Variants in PPP2R5C observed in about 807,000 individuals in gnomAD.
PPP2R5C encodes the protein serine/threonine-protein phosphatase 2A 56 kDa regulatory subunit gamma isoform.
PPP2R5C carries 7 observed loss-of-function variants against 68.9 expected under a neutral mutation model. The observed-to-expected ratio is 0.10, with a 90% CI of 0.06 to 0.19. The LOEUF (loss-of-function observed/expected upper bound fraction) is 0.19. Among genes scored for constraint, PPP2R5C ranks in the 10% least tolerant of loss-of-function variants. PPP2R5C has a pLI of 1.00. For missense variants in PPP2R5C, 348 were observed against 641.3 expected, an observed-to-expected ratio of 0.54 and a Z score of 4.94; for synonymous variants, 210 against 222.2, an observed-to-expected ratio of 0.95 and a Z score of 0.49.
intron 11 of PPP2R5C, 105 bp downstream of exon 13, chr14:101,909,795 C>T: frequency 1.4e-6 from 1 of 693,800 alleles, no homozygotes; most frequent in Non-Finnish European, 2.2e-6. Flanking sequence ...CACTCGAAAG[C>T]AAAACCAAGC....
At chr14:101,765,160 T>A in intron 2 of PPP2R5C, 1 of 702,806 alleles carries the variant, frequency 1.4e-6, no homozygotes, top group Non-Finnish European at 2.6e-6. Context: ...CTAGTGCTAC[T>A]GTCTAAGAGC....
chr14:101,848,668 G>A (rs190550355), intron 1 of PPP2R5C, among the ~76,000 whole-genome samples: 3 of 152,296 alleles, frequency 2.0e-5, no homozygotes, highest in South Asian at 2.1e-4. Context: ...CGCAGGAAAC[G>A]GCTGACAATC....
In PPP2R5C at chr14:101,787,653, G is replaced by A. The variant is rs555871525; in HGVS notation, c.259+1470G>A. Among the ~76,000 whole-genome samples the A allele has an allele frequency of 9.4e-4, 143 of 151,818 alleles. 1 individual carries two copies. Among genetic ancestry groups the A allele is most frequent in the East Asian group, 6.2e-3 (32 of 5,130 alleles). ...GTGGTGGCGGGCGCCTGTAGTCCCAGCTACTTGGGAGGCTGAGGCGGGAGA... is the reference window on the plus strand; with the variant it reads ...GTGGTGGCGGGCGCCTGTAGTCCCAACTACTTGGGAGGCTGAGGCGGGAGA... On this transcript the variant is annotated intron_variant, in intron 3 of 14. Coordinates refer to the PPP2R5C transcript ENST00000328724.
intron 11 of PPP2R5C, among the ~76,000 whole-genome samples, chr14:101,911,972 T>C (rs2046417250): frequency 6.6e-6 from 1 of 152,120 alleles, no homozygotes; most frequent in Admixed American, 6.5e-5. Flanking sequence ...GTCTCCTGGC[T>C]CTTAAGACGT....
intron 3 of PPP2R5C, among the ~76,000 whole-genome samples, chr14:101,790,246 T>C (rs997859160): frequency 3.9e-5 from 6 of 152,164 alleles, no homozygotes; most frequent in Non-Finnish European, 7.4e-5. Context: ...AAGTCATAGG[T>C]TTTTCTTTTT....
chr14:101,808,559 G>A (rs1453415429), upstream of PPP2R5C, among the ~76,000 whole-genome samples: 5 of 152,154 alleles, frequency 3.3e-5, no homozygotes, highest in African/African-American at 7.2e-5. Flanking sequence ...CCTGAAGGGC[G>A]GTAGCAGTTC....
chr14:101,925,395 G>T, exon 14 of PPP2R5C: 1 of 1,418,568 alleles, frequency 7.0e-7, no homozygotes, highest in Non-Finnish European at 9.3e-7. Flanking sequence ...CGTTCCGTAG[G>T]CAATAACGTG....
chr14:101,908,960 G>A (rs551273170), intron 10 of PPP2R5C, among the ~76,000 whole-genome samples: 6 of 152,328 alleles, frequency 3.9e-5, no homozygotes, highest in East Asian at 1.9e-4. Context: ...CCTGCGGGTC[G>A]AGCAGGTCCT....
intron 2 of PPP2R5C, among the ~76,000 whole-genome samples, chr14:101,784,729 G>T (rs1189857660): frequency 2.0e-5 from 3 of 152,232 alleles, no homozygotes; most frequent in African/African-American, 7.2e-5. Context: ...GAGCACATAT[G>T]CAGACACAGA....
At chr14:101,816,888 TATATTATATAAATATATATATA>T (rs1194570602) in intron 1 of PPP2R5C, among the ~76,000 whole-genome samples, 2 of 130,276 alleles carry the variant, frequency 1.5e-5, no homozygotes, top group Non-Finnish European at 3.1e-5. Flanking sequence ...ATATTATATA[TATATTATATAAATATATATATA>T]ATATATATAT....
chr14:101,880,534 G>A (rs1030111338), intron 2 of PPP2R5C, among the ~76,000 whole-genome samples: 6 of 152,218 alleles, frequency 3.9e-5, no homozygotes, highest in Non-Finnish European at 5.9e-5. Context: ...GGTGGCTCAC[G>A]CCTCTAATTC....
intron 3 of PPP2R5C, among the ~76,000 whole-genome samples, chr14:101,788,862 T>TCCC (rs1223179882): frequency 6.6e-6 from 1 of 152,228 alleles, no homozygotes; most frequent in African/African-American, 2.4e-5. Context: ...ATGGTATATA[T>TCCC]CCCCCATTTT....
chr14:101,861,070 C>T (rs779298095), intron 2 of PPP2R5C, among the ~76,000 whole-genome samples: 1 of 152,110 alleles, frequency 6.6e-6, no homozygotes, highest in Non-Finnish European at 1.5e-5. Context: ...TTCTCGGGCA[C>T]AGACCTTCTT....
chr14:101,907,320 A>G (rs2046092091), intron 10 of PPP2R5C, among the ~76,000 whole-genome samples: 1 of 151,806 alleles, frequency 6.6e-6, no homozygotes, highest in African/African-American at 2.4e-5. Flanking sequence ...ACAGGCACCC[A>G]CCGCTACGCC....
intron 2 of PPP2R5C, chr14:101,766,286 G>C (rs1364448500): frequency 1.3e-5 from 2 of 152,182 alleles, no homozygotes; most frequent in Admixed American, 6.5e-5. Flanking sequence ...GGGTAGAGTG[G>C]TACAGTGGAA....
At chr14:101,799,641 C>A (rs1284097060) in intron 3 of PPP2R5C, among the ~76,000 whole-genome samples, 1 of 152,264 alleles carries the variant, frequency 6.6e-6, no homozygotes, top group African/African-American at 2.4e-5. Flanking sequence ...ACTCTGGAGA[C>A]CCAGTTGAAC....
At position 101,882,329 on chromosome 14, in the gene PPP2R5C, G is replaced by A. The variant is rs1410113850; in HGVS notation, c.405+58G>A. The stretch of plus-strand genomic sequence containing the variant: ...ACTGGTGACACATGGGAATGGCCTG[G>A]GATCCACAGAGCGGGCGCACTGGTC... On this transcript the variant is annotated intron_variant, in intron 3 of 13. Coordinates refer to ENST00000334743, the Ensembl canonical transcript of PPP2R5C. This position sits in a 1 kb window ranked among gnomAD's most constrained non-coding sequence, Gnocchi z 4.9. 7.2e-7 allele frequency: 1 copy of A among 1,393,922 alleles called. No homozygotes were observed. Among genetic ancestry groups the A allele is most frequent in the Non-Finnish European group, 9.9e-7 (1 of 1,006,648 alleles). 86.3% of individuals were successfully genotyped at this position (1,393,922 alleles called of 1,614,324 possible).
intron 1 of PPP2R5C, among the ~76,000 whole-genome samples, chr14:101,840,891 T>C (rs183253284): frequency 6.6e-6 from 1 of 152,326 alleles, no homozygotes; most frequent in African/African-American, 2.4e-5. Context: ...TGGACATGCC[T>C]GGAGAGGATG....
intron 1 of PPP2R5C, among the ~76,000 whole-genome samples, chr14:101,822,196 G>C (rs986200632): frequency 6.0e-5 from 9 of 151,154 alleles, no homozygotes; most frequent in Middle Eastern, 3.4e-3. Flanking sequence ...TGAGCTTCTT[G>C]ATTAAGTCAC....
Sources: gnomAD v4.1 joint callset for allele counts (sites outside exome capture counted in the v4.1 genomes callset) on GRCh38, gnomAD v4.1.1 for gene constraint, Gnocchi (gnomAD v3.1) non-coding constraint, MANE v1.5 for transcripts, NCBI Gene and HGNC (gene_info 2026-07-23, HGNC 2026-07-21) for gene names.